Variants in MYO5B observed in about 807,000 individuals in gnomAD.
MYO5B encodes the protein myosin VB.
MYO5B carries 143 observed loss-of-function variants against 229.3 expected under a neutral mutation model. The observed-to-expected ratio is 0.62, with a 90% CI of 0.54 to 0.72. The LOEUF (loss-of-function observed/expected upper bound fraction) is 0.72. MYO5B is among the 30% of genes least tolerant of loss of function. The pLI is 0.00. For missense variants in MYO5B, 2,321 were observed against 2,331.0 expected, an observed-to-expected ratio of 1.00 and a Z score of 0.09; for synonymous variants, 918 against 885.2, an observed-to-expected ratio of 1.04 and a Z score of -0.66.
chr18:50,165,486 TAAAG>T (rs36043267), intron 1 of MYO5B, among the ~76,000 whole-genome samples: 52,209 of 149,964 alleles, frequency 0.35, 8,980 homozygotes, highest in Admixed American at 0.41. Context: ...TTTCAAAAAA[TAAAG>T]AAAGGCCAGG....
rs76689322 is a variant in MYO5B, at chr18:50,102,581, C to G, written c.28-47203G>C. Among the ~76,000 whole-genome samples the G allele has an allele frequency of 8.5e-3, 1,287 of 152,260 alleles. 9 individuals carry two copies. The highest frequency in any genetic ancestry group is 0.029 in the African/African-American group (1,225 of 41,528). ...AGTTTCCACAATTAGCAAAATACCTCTGATGCAGGGTGAAGGCTGCTCCAA... is the reference window on the plus strand; with the variant it reads ...AGTTTCCACAATTAGCAAAATACCTGTGATGCAGGGTGAAGGCTGCTCCAA... On this transcript the variant is annotated intron_variant, in intron 1 of 39. Transcript: ENST00000285039.
At chr18:50,057,877 T>A (rs1028516071) in intron 1 of MYO5B, among the ~76,000 whole-genome samples, 4 of 152,122 alleles carry the variant, frequency 2.6e-5, no homozygotes, top group African/African-American at 9.7e-5. Flanking sequence ...AGAATCCTCA[T>A]ACTAACTACT....
At chr18:49,890,237 C>G (rs1340886205) in intron 22 of MYO5B, among the ~76,000 whole-genome samples, 1 of 152,214 alleles carries the variant, frequency 6.6e-6, no homozygotes, top group Non-Finnish European at 1.5e-5. Context: ...ATGGCCCCCA[C>G]TTTGTGGTGT....
chr18:50,099,963 G>A (rs572364133), intron 1 of MYO5B, among the ~76,000 whole-genome samples: 53 of 152,116 alleles, frequency 3.5e-4, no homozygotes, highest in African/African-American at 1.2e-3. Flanking sequence ...GGGCTCCACA[G>A]TCTACACACA....
rs77680460 is a variant in MYO5B, at chr18:49,842,831, C to T, written c.4611+410G>A. 4.9e-3 allele frequency among the ~76,000 whole-genome samples: 742 copies of T among 152,308 alleles called. 5 individuals are homozygous for T. The highest frequency in any genetic ancestry group is 0.013 in the African/African-American group (526 of 41,570). ...GTTACCCCCCAGGGAAGCAAGCACC[C>T]GGCCCCTTGGAAAGGTGGAGAGGGC... On this transcript the variant is annotated intron_variant, in intron 34 of 39. Coordinates refer to ENST00000285039, the MANE Select transcript of MYO5B (RefSeq NM_001080467.3).
At chr18:50,086,626 T>C (rs2031336097) in intron 1 of MYO5B, among the ~76,000 whole-genome samples, 1 of 152,154 alleles carries the variant, frequency 6.6e-6, no homozygotes, top group Non-Finnish European at 1.5e-5. Context: ...ACGGAGAAAT[T>C]ATATAACCCT....
Position 49,863,371 on chromosome 18 carries a change from C to A in MYO5B, c.3844-44G>T, listed in dbSNP as rs748324966. On this transcript the variant is annotated intron_variant, in intron 28 of 39. Coordinates refer to ENST00000285039, the MANE Select transcript of MYO5B (RefSeq NM_001080467.3). ...AAAAATAACTCTGGTTAAACAATTG[C>A]CACAAAATGGCTTTATATACAAACA... is the stretch of plus-strand genomic sequence containing the variant. 24 of 1,542,988 alleles carry A rather than the reference C, an allele frequency of 1.6e-5. No homozygotes were observed. The South Asian group carries it at 2.6e-4, about 17-fold the overall frequency.
At chr18:49,929,428 C>T (rs929716636) in intron 17 of MYO5B, 84 bp downstream of exon 17, 70 of 1,101,948 alleles carry the variant, frequency 6.4e-5, no homozygotes, top group South Asian at 1.2e-4. Context: ...TTCTGGCCGA[C>T]GGTACACAGA....
chr18:50,166,527 T>C lies in MYO5B; in HGVS notation c.27+28240A>G, dbSNP rs573609645. ...CTATTATAGTAGACCTTAAAGCTAT[T>C]ACAGTTGACCTTAAAGCATTATCTT... On this transcript the variant is annotated intron_variant, in intron 1 of 39. Coordinates refer to ENST00000285039, the MANE Select transcript of MYO5B (RefSeq NM_001080467.3). Among the ~76,000 whole-genome samples the C allele has an allele frequency of 7.2e-5, 11 of 152,344 alleles. No individual in the cohort carries two copies. In the East Asian group the frequency reaches 2.1e-3, roughly 29 times the overall value.
Position 50,194,933 on chromosome 18 carries a change from G to A in MYO5B, c.-140C>T, listed in dbSNP as rs1237999878. 2.6e-6 allele frequency: 3 copies of A among 1,165,264 alleles called. No individual in the cohort carries two copies. The highest frequency in any genetic ancestry group is 3.2e-5 in the African/African-American group (2 of 62,394). 72.2% of individuals were successfully genotyped at this position (1,165,264 alleles called of 1,614,324 possible). The stretch of plus-strand genomic sequence containing the variant: ...TCGCTCTTCTCCGACCTGCCCCGCC[G>A]GCTTCCCGCAGGCGCCGCGGCCGGC... On this transcript the variant is annotated 5_prime_UTR_variant, in exon 1 of 40. Coordinates refer to ENST00000285039, the MANE Select transcript of MYO5B (RefSeq NM_001080467.3).
intron 7 of MYO5B, 90 bp from the exon 8 acceptor site, chr18:49,984,915 G>A: frequency 1.1e-6 from 1 of 934,122 alleles, no homozygotes; most frequent in South Asian, 1.3e-5. Context: ...CCGTTAGCAT[G>A]CTATCCCAGA....
At chr18:49,873,817 G>C (rs894917303) in intron 26 of MYO5B, among the ~76,000 whole-genome samples, 4 of 152,164 alleles carry the variant, frequency 2.6e-5, no homozygotes, top group Non-Finnish European at 5.9e-5. Context: ...AAGGGAGGTG[G>C]CTGGGTGGGA....
intron 4 of MYO5B, among the ~76,000 whole-genome samples, chr18:50,012,086 A>G (rs1488999756): frequency 6.6e-6 from 1 of 152,140 alleles, no homozygotes; most frequent in Non-Finnish European, 1.5e-5. Context: ...TTAGGAAACT[A>G]CTTCTGCTGG....
chr18:49,902,176 G>C (rs1294347577), intron 21 of MYO5B, among the ~76,000 whole-genome samples: 1 of 152,192 alleles, frequency 6.6e-6, no homozygotes, highest in East Asian at 1.9e-4. Context: ...CTCTAGGGGA[G>C]AGTCCATGTC....
chr18:49,959,837 C>T (rs2025537406), intron 12 of MYO5B, among the ~76,000 whole-genome samples: 1 of 152,192 alleles, frequency 6.6e-6, no homozygotes, highest in Non-Finnish European at 1.5e-5. Context: ...CCACCCGCCA[C>T]CAGACATCTT....
intron 1 of MYO5B, among the ~76,000 whole-genome samples, chr18:50,125,584 T>C (rs1400503600): frequency 6.6e-6 from 1 of 152,202 alleles, no homozygotes; most frequent in African/African-American, 2.4e-5. Context: ...GTGCTTGCTA[T>C]GTGTCAGGAA....
intron 2 of MYO5B, among the ~76,000 whole-genome samples, chr18:50,053,050 T>G (rs1013304891): frequency 6.6e-6 from 1 of 152,182 alleles, no homozygotes; most frequent in African/African-American, 2.4e-5. Flanking sequence ...ACACCATGGA[T>G]AATTTCAGCT....
At chr18:49,939,469 G>C (rs964694758) in intron 14 of MYO5B, among the ~76,000 whole-genome samples, 1 of 152,176 alleles carries the variant, frequency 6.6e-6, no homozygotes, top group Non-Finnish European at 1.5e-5. Flanking sequence ...TCTGAACCAC[G>C]TAAGTACAGA....
intron 1 of MYO5B, among the ~76,000 whole-genome samples, chr18:50,181,190 T>G (rs994544854): frequency 6.6e-6 from 1 of 152,256 alleles, no homozygotes; most frequent in African/African-American, 2.4e-5. Context: ...GTTCATACAC[T>G]AAGTTAATTG....
Sources: allele counts gnomAD v4.1 joint callset (sites outside exome capture counted in the v4.1 genomes callset), GRCh38; gene constraint gnomAD v4.1.1; transcripts MANE v1.5; gene names NCBI Gene and HGNC (gene_info 2026-07-23, HGNC 2026-07-21).